RP1: variants seen among roughly 807,000 people sequenced by gnomAD.
RP1 encodes oxygen-regulated protein 1.
RP1 carries 16 observed loss-of-function variants against 14.8 expected under a neutral mutation model. That is an observed-to-expected ratio of 1.08 (90% CI 0.73 to 1.65). The LOEUF (loss-of-function observed/expected upper bound fraction) is 1.65. Ranked by LOEUF, RP1 falls within the 40% of genes most tolerant of loss-of-function variation. The probability of loss-of-function intolerance (pLI) is 0.00; values close to 1 mark genes in which losing one functional copy is unlikely to be tolerated. For synonymous variants in RP1, 876 were observed against 883.6 expected (o/e 0.99, Z 0.15); for missense variants, 2,631 against 2,535.0 (o/e 1.04, Z -0.81).
intron 1 of RP1, among the ~76,000 whole-genome samples, chr8:54,605,404 G>C (rs913025036): frequency 4.1e-4 from 62 of 152,206 alleles, no homozygotes; most frequent in African/African-American, 9.6e-4. Flanking sequence ...GTCTGAGAGA[G>C]AGTTTGTTAT....
intron 1 of RP1, among the ~76,000 whole-genome samples, chr8:54,618,188 C>T (rs1805768854): frequency 6.6e-6 from 1 of 152,218 alleles, no homozygotes; most frequent in South Asian, 2.1e-4. Context: ...TGCTGGGGAC[C>T]TGGCATCTTC....
At chr8:54,790,469 A>G (rs1810436372) in intron 24 of RP1, among the ~76,000 whole-genome samples, 1 of 152,178 alleles carries the variant, frequency 6.6e-6, no homozygotes, top group Non-Finnish European at 1.5e-5. Flanking sequence ...AAGAAGAATA[A>G]TAAAGCTCCA....
intron 24 of RP1, among the ~76,000 whole-genome samples, chr8:54,803,780 A>G (rs1810773827): frequency 1.3e-5 from 2 of 152,228 alleles, no homozygotes; most frequent in African/African-American, 4.8e-5. Flanking sequence ...ATTTAAAAAT[A>G]AACAATGGGC....
chr8:54,637,853 T>C (rs1806380527), intron 3 of RP1, among the ~76,000 whole-genome samples: 1 of 152,216 alleles, frequency 6.6e-6, no homozygotes, highest in African/African-American at 2.4e-5. Flanking sequence ...TACTGAACTC[T>C]TCCCCAGGGC....
chr8:54,869,076 C>A (rs1005508946), intron 28 of RP1, among the ~76,000 whole-genome samples: 11 of 152,048 alleles, frequency 7.2e-5, no homozygotes, highest in African/African-American at 2.7e-4. Flanking sequence ...CCACAGCCAG[C>A]CTACAGGTAG....
rs747488488 is a variant in RP1 at position 54,625,521 on chromosome 8, G to T, written c.1639G>T (p.Ala547Ser). 22 of 1,614,010 alleles carry T rather than the reference G, an allele frequency of 1.4e-5. No individual in the cohort carries two copies. In the South Asian group the frequency reaches 2.1e-4, roughly 15 times the overall value. The change falls in exon 4 of 4, where the codon GCT becomes TCT. Residue 547 changes from alanine to serine, a missense_variant. Transcript: ENST00000220676. ...TCTGCTTAAGTCAAGTGCAATAAGT[G>T]CTGGTGTTATAGAAATTACAAGTCA... ...NSLLKSSAIS[A>S]GVIEITSQKM...
chr8:54,711,390 G>T (rs760283304), intron 15 of RP1, among the ~76,000 whole-genome samples: 1 of 152,162 alleles, frequency 6.6e-6, no homozygotes, highest in Non-Finnish European at 1.5e-5. Context: ...ATTGCTAAAA[G>T]ATTTGAAATT....
chr8:54,694,064 T>C (rs1240026939), intron 12 of RP1, among the ~76,000 whole-genome samples: 2 of 152,106 alleles, frequency 1.3e-5, no homozygotes, highest in East Asian at 3.9e-4. Flanking sequence ...TTTTCTGCAT[T>C]TACTGAGATA....
At chr8:54,721,727 C>T (rs1314029798) in intron 16 of RP1, among the ~76,000 whole-genome samples, 1 of 152,158 alleles carries the variant, frequency 6.6e-6, no homozygotes, top group Non-Finnish European at 1.5e-5. Context: ...GAGGCAACCT[C>T]CTGCTTTAAC....
At chr8:54,652,947 ATG>A in intron 5 of RP1, 1 of 934,182 alleles carries the variant, frequency 1.1e-6, no homozygotes, top group South Asian at 1.4e-5. Flanking sequence ...CATGCCTATA[ATG>A]AGTTGATAGA....
chr8:54,658,370 T>G (rs1806802359), intron 6 of RP1, among the ~76,000 whole-genome samples: 1 of 149,454 alleles, frequency 6.7e-6, no homozygotes, highest in South Asian at 2.1e-4. Context: ...GCTAAAACGG[T>G]GAAACCCCGT....
chr8:54,775,085 A>T (rs77464946), intron 23 of RP1, among the ~76,000 whole-genome samples: 1 of 151,998 alleles, frequency 6.6e-6, no homozygotes, highest in African/African-American at 2.4e-5. Context: ...AAAAAAAAAA[A>T]TGTCTCCAGA....
In RP1 at chr8:54,865,169, C is replaced by T. The variant is rs574712325; in HGVS notation, c.4070-666C>T. ...CTTTTCTCTCTGGTTAATAGAAATA[C>T]ACTGGATTTTTATGTATTAATTATA... On this transcript the variant is annotated intron_variant, in intron 27 of 28. Transcript: ENST00000637698. Among the ~76,000 whole-genome samples the T allele has an allele frequency of 3.9e-5, 6 of 151,928 alleles. No individual in the cohort carries two copies. In the South Asian group the frequency reaches 1.0e-3, roughly 26 times the overall value.
chr8:54,718,268 C>T (rs568080498), intron 15 of RP1, among the ~76,000 whole-genome samples: 85 of 152,106 alleles, frequency 5.6e-4, no homozygotes, highest in African/African-American at 2.0e-3. Context: ...CAACATAATA[C>T]TGAAGAAGAA....
exon 15 of RP1, chr8:54,706,651 G>T: frequency 6.5e-7 from 1 of 1,535,950 alleles, no homozygotes; most frequent in Non-Finnish European, 8.7e-7. Context: ...CGATGCGATG[G>T]AACAGTAAGC....
chr8:54,700,211 A>ATT (rs397958968), intron 13 of RP1, among the ~76,000 whole-genome samples: 1,574 of 144,954 alleles, frequency 0.011, 30 homozygotes, highest in African/African-American at 0.037. Context: ...CTATACAATA[A>ATT]TTTTTTTTTT....
rs539849768 is a variant in RP1, at chr8:54,603,448, G to C, written c.-12-17507G>C. Among the ~76,000 whole-genome samples, 444 of 152,282 alleles carry C rather than the reference G, an allele frequency of 2.9e-3. 1 individual carries two copies. The highest frequency in any genetic ancestry group is 4.7e-3 in the Non-Finnish European group (322 of 68,024). ...CTGTTTTGGTTACTGTAGCCTTGTA[G>C]TATAGTTTGAAGTCAGGTAGCGTGG... is the stretch of plus-strand genomic sequence containing the variant. On this transcript the variant is annotated intron_variant, in intron 1 of 22. Transcript: ENST00000636932.
chr8:54,800,493 G>A (rs1050464326), intron 24 of RP1, among the ~76,000 whole-genome samples: 8 of 151,884 alleles, frequency 5.3e-5, no homozygotes, highest in African/African-American at 1.9e-4. Flanking sequence ...CCAAATGTAT[G>A]TATATAAGAC....
At chr8:54,748,175 T>G (rs2129362957) in intron 19 of RP1, among the ~76,000 whole-genome samples, 1 of 152,362 alleles carries the variant, frequency 6.6e-6, no homozygotes, top group South Asian at 2.1e-4. Flanking sequence ...AATGCCTTAT[T>G]TTTTTGAAGT....
Sources: gnomAD v4.1 joint callset for allele counts (sites outside exome capture counted in the v4.1 genomes callset) on GRCh38, gnomAD v4.1.1 for gene constraint, MANE v1.5 for transcripts, NCBI Gene and HGNC (gene_info 2026-07-23, HGNC 2026-07-21) for gene names.